The following NPLOC4 variants were observed in gnomAD, a reference collection of about 807,000 sequenced individuals.
The protein encoded by NPLOC4 is NPL4 homolog, ubiquitin recognition factor.
NPLOC4 carries 18 observed loss-of-function variants against 80.6 expected under a neutral mutation model. That is an observed-to-expected ratio of 0.22 (90% CI 0.15 to 0.33). The LOEUF is 0.33. Ranked by LOEUF, NPLOC4 falls within the 10% of genes least tolerant of loss-of-function variation. The probability of loss-of-function intolerance (pLI) is 1.00; values close to 1 mark genes in which losing one functional copy is unlikely to be tolerated. For missense variants in NPLOC4, 540 were observed against 786.1 expected, an observed-to-expected ratio of 0.69 and a Z score of 3.74; for synonymous variants, 313 against 301.5, an observed-to-expected ratio of 1.04 and a Z score of -0.39.
At position 81,565,537 on chromosome 17, in the gene NPLOC4, G is replaced by C; in HGVS notation, c.1637C>G (p.Ser546Cys). The C allele has an allele frequency of 6.4e-7, 1 of 1,554,542 alleles. No individual in the cohort carries two copies. ...CTGCTCGATGGTGGCCCACTGCTCA[G>C]ACCTCTTCCATGTCTGGGCGAGCTC... ...NEELAQTWKR[S>C]EQWATIEQLC... is the part of the protein sequence containing the mutation. Residue 546 changes from serine (S) to cysteine (C), a missense_variant, in exon 16 of 17, where the codon TCT becomes TGT. By Grantham distance (112) the Ser-to-Cys change is moderately radical. This residue lies in a region of NPLOC4 where 251 missense variants were observed against 377.5 expected (regional missense o/e 0.66). Coordinates refer to ENST00000331134, the MANE Select transcript of NPLOC4 (RefSeq NM_017921.4).
At chr17:81,636,798 A>C in intron 1 of NPLOC4, 118 bp downstream of exon 1, 1 of 1,107,142 alleles carries the variant, frequency 9.0e-7, no homozygotes, top group Non-Finnish European at 1.2e-6. Flanking sequence ...AGCCCTGGCG[A>C]GAGAAGAGAA....
intron 12 of NPLOC4, among the ~76,000 whole-genome samples, chr17:81,578,045 T>C (rs1462998914): frequency 6.6e-6 from 1 of 152,060 alleles, no homozygotes; most frequent in Non-Finnish European, 1.5e-5. Flanking sequence ...CCCCACTCAC[T>C]CCTCTAAACT....
At position 81,605,407 on chromosome 17, in the gene NPLOC4, G is replaced by A. The variant is rs2035177911; in HGVS notation, c.655-680C>T. ...CATGCCTGTAATCCCAGCACTATGG[G>A]AGGTGAGGCAGGCGGATCTCTTGAG... On this transcript the variant is annotated intron_variant, in intron 7 of 16. Transcript: ENST00000331134. 6.6e-5 allele frequency among the ~76,000 whole-genome samples: 10 copies of A among 152,240 alleles called. No homozygotes were observed. In the South Asian group the frequency reaches 2.1e-3, roughly 32 times the overall value.
intron 4 of NPLOC4, 128 bp from the exon 5 acceptor site, chr17:81,610,386 G>A: frequency 1.4e-6 from 1 of 733,992 alleles, no homozygotes; most frequent in Non-Finnish European, 2.4e-6. Context: ...ATTCCAGATG[G>A]CACATGGATA....
chr17:81,575,902 A>C (rs2034285540), intron 12 of NPLOC4, among the ~76,000 whole-genome samples: 1 of 152,226 alleles, frequency 6.6e-6, no homozygotes, highest in Non-Finnish European at 1.5e-5. Flanking sequence ...TTAATTGATA[A>C]ACCTGCCTGA....
chr17:81,559,984 C>G (rs145571822), intron 16 of NPLOC4, among the ~76,000 whole-genome samples: 1,916 of 151,954 alleles, frequency 0.013, 14 homozygotes, highest in Non-Finnish European at 0.02. Flanking sequence ...ATCCACCCAC[C>G]TTGGCCTCCC....
Position 81,558,879 on chromosome 17 carries a change from A to G in NPLOC4, c.*380T>C, listed in dbSNP as rs544237804. The G allele has an allele frequency of 5.2e-4, 85 of 163,928 alleles. No homozygotes were observed. The highest frequency in any genetic ancestry group is 1.9e-3 in the African/African-American group (79 of 42,044). 10.2% of individuals were successfully genotyped at this position (163,928 alleles called of 1,614,324 possible). On this transcript the variant is annotated 3_prime_UTR_variant, in exon 17 of 17. Coordinates refer to ENST00000331134, the MANE Select transcript of NPLOC4 (RefSeq NM_017921.4). Reference sequence around the variant, plus strand: ...AACATGGGGGCAGGGAGGCCAAACAAAAAGCACTGAAAATAAAGAGAAGGC... The same window carrying G: ...AACATGGGGGCAGGGAGGCCAAACAGAAAGCACTGAAAATAAAGAGAAGGC...
At chr17:81,617,932 TGCAGACGGAG>T (rs1227975089) in intron 3 of NPLOC4, among the ~76,000 whole-genome samples, 3 of 152,230 alleles carry the variant, frequency 2.0e-5, no homozygotes, top group Non-Finnish European at 4.4e-5. Flanking sequence ...GTGCCGGGAT[TGCAGACGGAG>T]TCTCGTTCAC....
At chr17:81,582,732 G>A (rs982196813) in intron 12 of NPLOC4, among the ~76,000 whole-genome samples, 1 of 152,238 alleles carries the variant, frequency 6.6e-6, no homozygotes, top group Non-Finnish European at 1.5e-5. Context: ...GGAAAAGACA[G>A]AAGACAGTCA....
intron 15 of NPLOC4, chr17:81,566,638 G>C (rs886074730): frequency 1.3e-5 from 2 of 152,240 alleles, no homozygotes; most frequent in African/African-American, 4.8e-5. Flanking sequence ...AAATAAACTA[G>C]CAGGATACAA....
chr17:81,587,205 G>A (rs2034603677), intron 12 of NPLOC4, among the ~76,000 whole-genome samples: 1 of 152,250 alleles, frequency 6.6e-6, no homozygotes, highest in Admixed American at 6.5e-5. Flanking sequence ...CGGGTGCAGT[G>A]GCTCACGCCT....
chr17:81,616,057 G>A (rs1042930674), intron 3 of NPLOC4, among the ~76,000 whole-genome samples: 17 of 152,026 alleles, frequency 1.1e-4, no homozygotes, highest in African/African-American at 3.1e-4. Context: ...GGTGGCTCAC[G>A]CCTGTAATCC....
chr17:81,600,291 C>A (rs749600820), intron 9 of NPLOC4, 50 bp downstream of exon 9: 5 of 1,394,276 alleles, frequency 3.6e-6, no homozygotes, highest in Non-Finnish European at 5.0e-6. Flanking sequence ...GCCTGGATGC[C>A]CAACAGAGCC....
intron 3 of NPLOC4, among the ~76,000 whole-genome samples, chr17:81,614,926 G>C (rs1361518348): frequency 6.6e-6 from 1 of 150,828 alleles, no homozygotes; most frequent in Non-Finnish European, 1.5e-5. Context: ...AGGATCCACA[G>C]CTCTAAACCA....
chr17:81,571,565 G>GGCAGCTGTGCTGGGGCTAGGGCAA (rs2034161518), intron 13 of NPLOC4, among the ~76,000 whole-genome samples: 1 of 152,224 alleles, frequency 6.6e-6, no homozygotes, highest in Non-Finnish European at 1.5e-5. Flanking sequence ...TGTGGGCTGT[G>GGCAGCTGTGCTGGGGCTAGGGCAA]GCAGCTGTGC....
chr17:81,583,512 A>G (rs2034496970), intron 12 of NPLOC4, among the ~76,000 whole-genome samples: 1 of 152,214 alleles, frequency 6.6e-6, no homozygotes, highest in Admixed American at 6.5e-5. Context: ...GAAAGAGAAA[A>G]GCCCCACGTC....
At chr17:81,565,694 CA>C in intron 15 of NPLOC4, 87 bp from the exon 16 acceptor site, 1 of 972,550 alleles carries the variant, frequency 1.0e-6, no homozygotes, top group Non-Finnish European at 1.5e-6. Flanking sequence ...TCCCCAACAT[CA>C]AGACGTATTT....
chr17:81,597,309 C>G lies in NPLOC4; in HGVS notation c.929G>C (p.Trp310Ser), dbSNP rs2034936093. 1 of 1,613,048 alleles carries G rather than the reference C, an allele frequency of 6.2e-7. No homozygotes were observed. ...AAKLGLRKVG[W>S]IFTDLVSEDT... ...TTCTGAGACGAGGTCTGTAAATATC[C>G]AGCCAACCTTAAAAAAAGGAAAGTA... Residue 310 changes from tryptophan to serine, a missense_variant, in exon 10 of 17, where the codon TGG becomes TCG. Around this residue, in one of 6 missense-constraint regions of NPLOC4, gnomAD observed 251 missense variants for 377.5 expected, o/e 0.66. Transcript: ENST00000331134.
chr17:81,607,914 GCCA>G (rs2035247664), intron 6 of NPLOC4, among the ~76,000 whole-genome samples: 1 of 152,208 alleles, frequency 6.6e-6, no homozygotes, highest in African/African-American at 2.4e-5. Context: ...CTTCAGTTCA[GCCA>G]CCATCTCCTC....
Sources: allele counts gnomAD v4.1 joint callset (sites outside exome capture counted in the v4.1 genomes callset), GRCh38; gene constraint gnomAD v4.1.1; regional missense constraint gnomAD v4.1.1; transcripts MANE v1.5; gene names NCBI Gene and HGNC (gene_info 2026-07-23, HGNC 2026-07-21).